POLR1E: variants seen among roughly 807,000 people sequenced by gnomAD.
The protein encoded by POLR1E is DNA-directed RNA polymerase I subunit RPA49.
POLR1E carries 37 observed loss-of-function variants against 50.9 expected under a neutral mutation model. The observed-to-expected ratio is 0.73, with a 90% CI of 0.56 to 0.96. POLR1E has a LOEUF of 0.96. Ranked by LOEUF, POLR1E falls within the 40% of genes least tolerant of loss-of-function variation. The pLI is 0.00. For synonymous variants in POLR1E, 166 were observed against 191.6 expected (o/e 0.87, Z 1.10); for missense variants, 426 against 518.1 (o/e 0.82, Z 1.73).
chr9:37,501,679 T>C (rs1820890205), intron 10 of POLR1E, 34 bp from the exon 11 acceptor site: 2 of 1,600,468 alleles, frequency 1.2e-6, no homozygotes, highest in Non-Finnish European at 1.7e-6. Flanking sequence ...GAGAGTTTAA[T>C]TTTGTTTCTC....
intron 11 of POLR1E, among the ~76,000 whole-genome samples, chr9:37,502,528 C>G (rs1472487446): frequency 2.0e-5 from 3 of 152,214 alleles, no homozygotes; most frequent in Non-Finnish European, 4.4e-5. Context: ...GTGAGGTCAG[C>G]TGATCTTTGT....
At chr9:37,492,375 G>A in intron 4 of POLR1E, 2 of 1,199,108 alleles carry the variant, frequency 1.7e-6, no homozygotes, top group Non-Finnish European at 1.1e-6. Context: ...ACTGACCTGG[G>A]GCAAGTAATT....
At chr9:37,497,353 TCAAA>T (rs113786057) in intron 8 of POLR1E, among the ~76,000 whole-genome samples, 30 of 152,070 alleles carry the variant, frequency 2.0e-4, no homozygotes, top group Admixed American at 5.9e-4. Flanking sequence ...AGACTCAGTC[TCAAA>T]CAAACAAACA....
intron 2 of POLR1E, among the ~76,000 whole-genome samples, chr9:37,487,056 A>C (rs1001535218): frequency 6.6e-6 from 1 of 152,198 alleles, no homozygotes; most frequent in South Asian, 2.1e-4. Flanking sequence ...AAAACAGCCA[A>C]ATCAGGCCTA....
At position 37,489,387 on chromosome 9, in the gene POLR1E, G is replaced by A. The variant is rs760314308; in HGVS notation, c.330G>A (p.Gln110=). 11 of 1,593,218 alleles carry A rather than the reference G, an allele frequency of 6.9e-6. No individual in the cohort carries two copies. The highest frequency in any genetic ancestry group is 5.5e-5 in the Admixed American group (3 of 54,534). Reference sequence around the variant, plus strand: ...ATGATGCTGAATTGTTCAACATGCAGCCACTATTTTCAGGTAGGTCCCAGT... The same window carrying A: ...ATGATGCTGAATTGTTCAACATGCAACCACTATTTTCAGGTAGGTCCCAGT... ...EVYDAELFNM[Q]PLFSDVSVES... Residue 110 remains glutamine (Q), a synonymous_variant, in exon 4 of 12, where the codon CAG becomes CAA. Coordinates refer to ENST00000377798, the MANE Select transcript of POLR1E (RefSeq NM_022490.4).
In POLR1E at chr9:37,485,979, C is replaced by G; in HGVS notation, c.-69C>G. 3 of 1,550,588 alleles carry G rather than the reference C, an allele frequency of 1.9e-6. No individual in the cohort carries two copies. Among genetic ancestry groups the G allele is most frequent in the South Asian group, 1.2e-5 (1 of 84,456 alleles). On this transcript the variant is annotated 5_prime_UTR_variant, in exon 1 of 12. Coordinates refer to ENST00000377798, the MANE Select transcript of POLR1E (RefSeq NM_022490.4). ...CGGCCCGCAGCGCGGCCTGGGCTCCCGCGTGTTTAAAAGTGCGCTTGTGGC... is the reference window on the plus strand; with the variant it reads ...CGGCCCGCAGCGCGGCCTGGGCTCCGGCGTGTTTAAAAGTGCGCTTGTGGC...
At position 37,495,994 on chromosome 9, in the gene POLR1E, G is replaced by A; in HGVS notation, c.752+8G>A. The A allele has an allele frequency of 2.5e-6, 4 of 1,605,596 alleles. No individual in the cohort carries two copies. The highest frequency in any genetic ancestry group is 3.4e-6 in the Non-Finnish European group (4 of 1,172,420). ...GATGATTGAGGAGAACAGGTACCCTGACTTAAGCAGATGGGGATTCTGGGG... is the reference window on the plus strand; with the variant it reads ...GATGATTGAGGAGAACAGGTACCCTAACTTAAGCAGATGGGGATTCTGGGG... On this transcript the variant is annotated splice_region_variant and intron_variant, in intron 8 of 11. Transcript: ENST00000377798.
chr9:37,486,594 A>G, intron 1 of POLR1E, 109 bp from the exon 2 acceptor site: 1 of 1,613,298 alleles, frequency 6.2e-7, no homozygotes, highest in Non-Finnish European at 8.5e-7. Flanking sequence ...CTTCCTTGCC[A>G]TCCCCATTCT....
At chr9:37,500,384 C>T (rs746965771) in intron 9 of POLR1E, among the ~76,000 whole-genome samples, 1 of 152,086 alleles carries the variant, frequency 6.6e-6, no homozygotes, top group African/African-American at 2.4e-5. Context: ...GGGGTTTCAC[C>T]ATGTTGGTCA....
intron 11 of POLR1E, among the ~76,000 whole-genome samples, chr9:37,502,486 A>C (rs1820908801): frequency 6.6e-6 from 1 of 152,240 alleles, no homozygotes; most frequent in Non-Finnish European, 1.5e-5. Flanking sequence ...AGATTCAGAC[A>C]GTAGGGGCAG....
chr9:37,496,086 G>T (rs1456757058), intron 8 of POLR1E, 100 bp downstream of exon 8: 3 of 839,402 alleles, frequency 3.6e-6, no homozygotes, highest in Non-Finnish European at 6.0e-6. Flanking sequence ...CAGTGAGGAA[G>T]TGTGTCTGGA....
intron 6 of POLR1E, 44 bp downstream of exon 6, chr9:37,493,747 G>C (rs747178630): frequency 7.0e-7 from 1 of 1,421,718 alleles, no homozygotes; most frequent in Non-Finnish European, 9.3e-7. Context: ...CATAATGACA[G>C]CTTTCTCTTC....
At chr9:37,490,537 C>T in intron 4 of POLR1E, 1 of 753,292 alleles carries the variant, frequency 1.3e-6, no homozygotes, top group Non-Finnish European at 2.4e-6. Context: ...ACCCAGGTAC[C>T]TTTCTCTTTT....
intron 7 of POLR1E, 135 bp downstream of exon 7, chr9:37,495,411 C>G: frequency 1.3e-6 from 1 of 749,250 alleles, no homozygotes; most frequent in Admixed American, 2.0e-5. Context: ...TGCAGTTGCT[C>G]AGTGCTCTTG....
At chr9:37,495,772 G>A in intron 7 of POLR1E, 118 bp from the exon 8 acceptor site, 3 of 726,706 alleles carry the variant, frequency 4.1e-6, no homozygotes, top group African/African-American at 3.4e-5. Flanking sequence ...GATCTGCCCT[G>A]TGTGATCTTT....
At position 37,485,967 on chromosome 9, in the gene POLR1E, G is replaced by A. The variant is rs891823607; in HGVS notation, c.-81G>A. On this transcript the variant is annotated 5_prime_UTR_variant, in exon 1 of 12. Coordinates refer to ENST00000377798, the MANE Select transcript of POLR1E (RefSeq NM_022490.4). ...CCACGCCTTTTCCGGCCCGCAGCGC[G>A]GCCTGGGCTCCCGCGTGTTTAAAAG... is the stretch of plus-strand genomic sequence containing the variant. 1 of 1,527,980 alleles carries A rather than the reference G, an allele frequency of 6.5e-7. No individual in the cohort carries two copies. 94.7% of individuals were successfully genotyped at this position (1,527,980 alleles called of 1,614,324 possible). A position where few individuals can be genotyped will look rare whatever the true frequency, so the allele number is the denominator to read the frequency against.
intron 3 of POLR1E, among the ~76,000 whole-genome samples, chr9:37,488,906 C>T (rs1820626368): frequency 6.6e-6 from 1 of 151,902 alleles, no homozygotes; most frequent in Non-Finnish European, 1.5e-5. Flanking sequence ...ATGATGCATT[C>T]CTCAGGTGTG....
At chr9:37,491,612 C>T (rs1028012548) in intron 4 of POLR1E, among the ~76,000 whole-genome samples, 3 of 151,786 alleles carry the variant, frequency 2.0e-5, no homozygotes, top group Non-Finnish European at 4.4e-5. Context: ...TATAGGTGTG[C>T]GCTACCACAC....
chr9:37,485,966 C>G lies in POLR1E; in HGVS notation c.-82C>G. ...GCCACGCCTTTTCCGGCCCGCAGCGCGGCCTGGGCTCCCGCGTGTTTAAAA... is the reference window on the plus strand; with the variant it reads ...GCCACGCCTTTTCCGGCCCGCAGCGGGGCCTGGGCTCCCGCGTGTTTAAAA... On this transcript the variant is annotated 5_prime_UTR_variant, in exon 1 of 12. Transcript: ENST00000377798. 1.3e-6 allele frequency: 2 copies of G among 1,522,558 alleles called. No individual in the cohort carries two copies. Among genetic ancestry groups the G allele is most frequent in the Non-Finnish European group, 8.9e-7 (1 of 1,121,898 alleles). 94.3% of individuals were successfully genotyped at this position (1,522,558 alleles called of 1,614,324 possible).
Sources: allele counts gnomAD v4.1 joint callset (sites outside exome capture counted in the v4.1 genomes callset), GRCh38; gene constraint gnomAD v4.1.1; transcripts MANE v1.5; gene names NCBI Gene and HGNC (gene_info 2026-07-23, HGNC 2026-07-21).